The following RBM4 variants were observed in gnomAD, a reference collection of about 807,000 sequenced individuals.
RBM4 encodes the protein RNA binding motif protein 4.
Under a neutral mutation model 29.5 loss-of-function variants are expected in RBM4, and 7 were observed. The observed-to-expected ratio is 0.24, with a 90% CI of 0.14 to 0.45. The LOEUF is 0.45. Ranked by LOEUF, RBM4 falls within the 20% of genes least tolerant of loss-of-function variation. RBM4 has a pLI of 1.00. For missense variants in RBM4, 387 were observed against 502.3 expected (o/e 0.77, Z 2.19); for synonymous variants, 220 against 205.4 (o/e 1.07, Z -0.61).
intron 2 of RBM4, among the ~76,000 whole-genome samples, chr11:66,654,466 G>A (rs535660027): frequency 3.3e-5 from 5 of 152,034 alleles, no homozygotes; most frequent in Admixed American, 6.5e-5. Context: ...ACTGCAGTCC[G>A]GCCTGGGTGA....
chr11:66,658,579 C>T (rs1421755542), intron 2 of RBM4, among the ~76,000 whole-genome samples: 1 of 151,850 alleles, frequency 6.6e-6, no homozygotes, highest in Non-Finnish European at 1.5e-5. Context: ...TGGAGTTGTG[C>T]TGTTCAGTGT....
At chr11:66,667,271 C>A (rs1169873880) in exon 3 of RBM4, 1 of 152,172 alleles carries the variant, frequency 6.6e-6, no homozygotes, top group Non-Finnish European at 1.5e-5. Context: ...CAAAATTATT[C>A]TTGGCATTTT....
rs558093139 is a variant in RBM4, at chr11:66,643,278, A to G, written c.413-172A>G. On this transcript the variant is annotated intron_variant, in intron 2 of 3. Transcript: ENST00000310092. This position sits in a 1 kb window ranked among gnomAD's most constrained non-coding sequence, Gnocchi z 6.1. The stretch of plus-strand genomic sequence containing the variant: ...GGTCTTTTCCTGAAATCAGGTCATT[A>G]TACTGAATCTATATGTTGAGTCTTT... Among the ~76,000 whole-genome samples, 2 of 151,704 alleles carry G rather than the reference A, an allele frequency of 1.3e-5. No homozygotes were observed. The highest frequency in any genetic ancestry group is 4.2e-4 in the South Asian group (2 of 4,808).
chr11:66,663,217 T>G (rs1167027690), intron 2 of RBM4, among the ~76,000 whole-genome samples: 6 of 152,188 alleles, frequency 3.9e-5, no homozygotes, highest in Non-Finnish European at 8.8e-5. Flanking sequence ...AAGACATACT[T>G]TACTGCAAAA....
intron 2 of RBM4, among the ~76,000 whole-genome samples, chr11:66,642,966 T>C (rs894980293): frequency 3.3e-5 from 5 of 152,242 alleles, no homozygotes; most frequent in Non-Finnish European, 5.9e-5. Flanking sequence ...GATCATTCTT[T>C]AATAGTGGTA....
At chr11:66,662,884 C>T (rs1939111118) in intron 2 of RBM4, among the ~76,000 whole-genome samples, 2 of 152,126 alleles carry the variant, frequency 1.3e-5, no homozygotes, top group African/African-American at 4.8e-5. Flanking sequence ...GTCTTGCTTC[C>T]TTGGGGAATA....
chr11:66,651,996 A>T (rs938327111), intron 2 of RBM4, among the ~76,000 whole-genome samples: 1 of 152,320 alleles, frequency 6.6e-6, no homozygotes, highest in Non-Finnish European at 1.5e-5. Flanking sequence ...GCAAGATTCA[A>T]CTGTGTGTGA....
exon 3 of RBM4, chr11:66,668,156 GGTCCA>G (rs1939316223): frequency 6.1e-6 from 1 of 164,738 alleles, no homozygotes; most frequent in African/African-American, 2.4e-5. Flanking sequence ...GTATCAGACA[GGTCCA>G]AATTTGAATT....
chr11:66,644,146 AG>A lies in RBM4; in HGVS notation c.*8+10del. ...TCAGCCTTTTAAAGCTTGAGGTGAG[AG>A]GGGTGGGGTGTTCCCTCTTCTGGTT... On this transcript the variant is annotated splice_region_variant and intron_variant, in intron 3 of 3. Coordinates refer to ENST00000310092, the MANE Select transcript of RBM4 (RefSeq NM_002896.4). 1.2e-6 allele frequency: 2 copies of A among 1,602,266 alleles called. No individual in the cohort carries two copies. Among genetic ancestry groups the A allele is most frequent in the Admixed American group, 1.7e-5 (1 of 59,026 alleles).
chr11:66,666,565 A>G (rs917089233), exon 3 of RBM4: 5 of 368,352 alleles, frequency 1.4e-5, no homozygotes, highest in African/African-American at 8.8e-5. Flanking sequence ...TGCAGTCAAA[A>G]TTCATTTTAA....
chr11:66,665,647 C>T, intron 2 of RBM4: 3 of 1,534,600 alleles, frequency 2.0e-6, no homozygotes, highest in Non-Finnish European at 2.6e-6. Flanking sequence ...CGTACAAGCG[C>T]CCTGGGTCCT....
At position 66,643,853 on chromosome 11, in the gene RBM4, C is replaced by T. The variant is rs373369023; in HGVS notation, c.816C>T (p.Tyr272=). ...TCACCTCCACCTCTCTCGATCCCTA[C>T]GATAGACACCTGTTGCCGACCTCAG... ...SHLTSTSLDP[Y]DRHLLPTSGA... The change falls in exon 3 of 4, where the codon TAC becomes TAT. Residue 272 remains tyrosine, a synonymous_variant. Transcript: ENST00000310092. This position sits in a 1 kb window ranked among gnomAD's most constrained non-coding sequence, Gnocchi z 6.1. 15 of 1,613,916 alleles carry T rather than the reference C, an allele frequency of 9.3e-6. No individual in the cohort carries two copies. The highest frequency in any genetic ancestry group is 3.3e-5 in the South Asian group (3 of 91,076).
At chr11:66,639,650 C>T in intron 1 of RBM4, 50 bp from the exon 2 acceptor site, 2 of 1,572,356 alleles carry the variant, frequency 1.3e-6, no homozygotes, top group Non-Finnish European at 1.7e-6. Flanking sequence ...CTTTTGTGAA[C>T]GGATGTGGGC....
At chr11:66,646,697 T>C (rs530584962), downstream of RBM4, among the ~76,000 whole-genome samples, 1 of 152,328 alleles carries the variant, frequency 6.6e-6, no homozygotes, top group South Asian at 2.1e-4. Flanking sequence ...CCACCTTTGT[T>C]ATAAAACCAA....
intron 2 of RBM4, among the ~76,000 whole-genome samples, chr11:66,652,857 C>T (rs1222643473): frequency 2.6e-5 from 4 of 152,170 alleles, no homozygotes; most frequent in Admixed American, 6.5e-5. Flanking sequence ...CAACCCCACC[C>T]GCACCCCCAC....
chr11:66,650,713 G>A (rs1199007032), downstream of RBM4, among the ~76,000 whole-genome samples: 37 of 139,948 alleles, frequency 2.6e-4, no homozygotes, highest in East Asian at 6.7e-4. Context: ...AATATAAAAA[G>A]TTAGCCGGGC....
chr11:66,654,059 C>G (rs1184868070), intron 2 of RBM4, among the ~76,000 whole-genome samples: 1 of 152,080 alleles, frequency 6.6e-6, no homozygotes, highest in Non-Finnish European at 1.5e-5. Flanking sequence ...CAAGGTCTTG[C>G]TCTGTCATCC....
At chr11:66,659,573 C>G (rs1939034294) in intron 2 of RBM4, among the ~76,000 whole-genome samples, 1 of 152,118 alleles carries the variant, frequency 6.6e-6, no homozygotes, top group South Asian at 2.1e-4. Context: ...GCTACTGCAC[C>G]TGGCTGGTTG....
rs1389922782 is a variant in RBM4, at chr11:66,646,221, T to A, written c.*203T>A. 1 of 1,452,454 alleles carries A rather than the reference T, an allele frequency of 6.9e-7. No homozygotes were observed. Among genetic ancestry groups the A allele is most frequent in the Non-Finnish European group, 9.1e-7 (1 of 1,104,228 alleles). 90.0% of individuals were successfully genotyped at this position (1,452,454 alleles called of 1,614,324 possible). ...CCTCTCCTGCCCATTTTCCTGTTCTTCTGTCCTTCAATACTTCTGTAGCTT... is the reference window on the plus strand; with the variant it reads ...CCTCTCCTGCCCATTTTCCTGTTCTACTGTCCTTCAATACTTCTGTAGCTT... On this transcript the variant is annotated 3_prime_UTR_variant, in exon 4 of 4. Transcript: ENST00000310092.
Sources: gnomAD v4.1 joint callset for allele counts (sites outside exome capture counted in the v4.1 genomes callset) on GRCh38, gnomAD v4.1.1 for gene constraint, Gnocchi (gnomAD v3.1) non-coding constraint, MANE v1.5 for transcripts, NCBI Gene and HGNC (gene_info 2026-07-23, HGNC 2026-07-21) for gene names.